KCND2: variants seen among roughly 807,000 people sequenced by gnomAD.
KCND2 encodes the protein potassium voltage-gated channel subfamily D member 2, also known as A-type voltage-gated potassium channel KCND2.
In KCND2, 16 loss-of-function variants were observed where a neutral mutation model predicts 54.4. The ratio of observed to expected loss-of-function variants is 0.29; its 90% CI spans 0.20 to 0.45. The LOEUF is 0.45. KCND2 is among the 20% of genes least tolerant of loss of function. The probability of loss-of-function intolerance (pLI) is 1.00; values close to 1 mark genes in which losing one functional copy is unlikely to be tolerated. For missense variants in KCND2, 486 were observed against 824.2 expected, an observed-to-expected ratio of 0.59 and a Z score of 5.02; for synonymous variants, 317 against 310.7, an observed-to-expected ratio of 1.02 and a Z score of -0.21.
At chr7:120,363,069 C>CA (rs761748773) in intron 1 of KCND2, among the ~76,000 whole-genome samples, 5 of 151,898 alleles carry the variant, frequency 3.3e-5, no homozygotes, top group Non-Finnish European at 7.4e-5. Context: ...GGGAGGTCGA[C>CA]ATGGGAGGAT....
At chr7:120,656,747 T>G (rs1791808299) in intron 1 of KCND2, among the ~76,000 whole-genome samples, 1 of 152,220 alleles carries the variant, frequency 6.6e-6, no homozygotes, top group Non-Finnish European at 1.5e-5. Flanking sequence ...AGCAGGAATG[T>G]TTTTCACTTT....
At chr7:120,716,016 A>AAC (rs10687567) in intron 1 of KCND2, among the ~76,000 whole-genome samples, 42,087 of 151,722 alleles carry the variant, frequency 0.28, 6,330 homozygotes, top group East Asian at 0.43. Flanking sequence ...TAGCTAAGAG[A>AAC]GTTTTTACTT....
intron 1 of KCND2, among the ~76,000 whole-genome samples, chr7:120,382,678 G>A (rs1800931269): frequency 6.6e-6 from 1 of 151,734 alleles, no homozygotes; most frequent in African/African-American, 2.4e-5. Flanking sequence ...TCTAACAAAA[G>A]CTAAGGTTTA....
At chr7:120,660,974 T>A (rs1012274603) in intron 1 of KCND2, among the ~76,000 whole-genome samples, 6 of 152,192 alleles carry the variant, frequency 3.9e-5, no homozygotes, top group African/African-American at 1.4e-4. Flanking sequence ...TATTTTTGAT[T>A]TTTAATTTTT....
chr7:120,685,852 C>A (rs572309345), intron 1 of KCND2, among the ~76,000 whole-genome samples: 4 of 152,114 alleles, frequency 2.6e-5, no homozygotes, highest in African/African-American at 9.7e-5. Context: ...CCAAGAGAAG[C>A]TCTTTCTTCC....
chr7:120,616,891 C>G (rs1429212355), intron 1 of KCND2, among the ~76,000 whole-genome samples: 2 of 152,162 alleles, frequency 1.3e-5, no homozygotes, highest in African/African-American at 4.8e-5. Context: ...TCTCTGCCCT[C>G]TGTGTTCTCA....
At chr7:120,399,443 C>G (rs2116075452) in intron 1 of KCND2, among the ~76,000 whole-genome samples, 1 of 151,758 alleles carries the variant, frequency 6.6e-6, no homozygotes, top group East Asian at 1.9e-4. Flanking sequence ...ACTTTTACTA[C>G]TTAAAAATAA....
At chr7:120,458,864 C>CATT (rs1051695650) in intron 1 of KCND2, among the ~76,000 whole-genome samples, 2 of 149,994 alleles carry the variant, frequency 1.3e-5, no homozygotes, top group African/African-American at 4.9e-5. Flanking sequence ...ATATTATTAG[C>CATT]ATTATTATTA....
intron 1 of KCND2, among the ~76,000 whole-genome samples, chr7:120,608,045 G>A (rs556141877): frequency 2.0e-5 from 3 of 151,358 alleles, no homozygotes; most frequent in Non-Finnish European, 4.4e-5. Flanking sequence ...GTGGTATAGA[G>A]CCACAAAAGA....
At chr7:120,457,510 ACAG>A (rs976250881) in intron 1 of KCND2, among the ~76,000 whole-genome samples, 1 of 152,222 alleles carries the variant, frequency 6.6e-6, no homozygotes, top group African/African-American at 2.4e-5. Flanking sequence ...TTGCTAAAGC[ACAG>A]CAAGAGTGAC....
At chr7:120,518,516 A>G (rs986271218) in intron 1 of KCND2, among the ~76,000 whole-genome samples, 1 of 152,184 alleles carries the variant, frequency 6.6e-6, no homozygotes, top group Admixed American at 6.5e-5. Context: ...TAAAATTATC[A>G]GTACACTAAA....
At chr7:120,383,238 G>A (rs1800937947) in intron 1 of KCND2, among the ~76,000 whole-genome samples, 1 of 151,368 alleles carries the variant, frequency 6.6e-6, no homozygotes, top group Admixed American at 6.6e-5. Flanking sequence ...CTTTTTCATT[G>A]GCCAGATTTT....
chr7:120,671,416 T>C (rs1001669805), intron 1 of KCND2, among the ~76,000 whole-genome samples: 1 of 152,054 alleles, frequency 6.6e-6, no homozygotes, highest in African/African-American at 2.4e-5. Flanking sequence ...TGTAGCCTGG[T>C]TGCTAACAGG....
chr7:120,654,199 A>T (rs1791773191), intron 1 of KCND2, among the ~76,000 whole-genome samples: 1 of 152,136 alleles, frequency 6.6e-6, no homozygotes, highest in Non-Finnish European at 1.5e-5. Context: ...TCCTAGAATG[A>T]CTCCGAGAAT....
chr7:120,284,288 T>C (rs552964529), intron 1 of KCND2, among the ~76,000 whole-genome samples: 1 of 151,778 alleles, frequency 6.6e-6, no homozygotes, highest in South Asian at 2.1e-4. Flanking sequence ...CACACACACA[T>C]GCACACGCAC....
chr7:120,298,976 G>C (rs1297875510), intron 1 of KCND2, among the ~76,000 whole-genome samples: 2 of 151,950 alleles, frequency 1.3e-5, no homozygotes, highest in Non-Finnish European at 2.9e-5. Flanking sequence ...TGGCCAACAT[G>C]GGTGAAACCC....
At chr7:120,334,572 C>T (rs77006701) in intron 1 of KCND2, among the ~76,000 whole-genome samples, 3,499 of 152,240 alleles carry the variant, frequency 0.023, 69 homozygotes, top group Non-Finnish European at 0.034. Context: ...TGCAGACAAA[C>T]CACTTAGTAA....
At chr7:120,566,129 A>G (rs2116418442) in intron 1 of KCND2, among the ~76,000 whole-genome samples, 1 of 152,274 alleles carries the variant, frequency 6.6e-6, no homozygotes, top group East Asian at 1.9e-4. Flanking sequence ...TTACTGACAT[A>G]TGTATGTCAA....
At chr7:120,568,110 C>G (rs1362000690) in intron 1 of KCND2, among the ~76,000 whole-genome samples, 3 of 151,924 alleles carry the variant, frequency 2.0e-5, no homozygotes, top group African/African-American at 7.2e-5. Context: ...TAAGCCTTTT[C>G]TCAACATAAA....
Sources: allele counts gnomAD v4.1 joint callset (sites outside exome capture counted in the v4.1 genomes callset), GRCh38; gene constraint gnomAD v4.1.1; transcripts MANE v1.5; gene names NCBI Gene and HGNC (gene_info 2026-07-23, HGNC 2026-07-21).